Variants in PCNX2 observed in about 807,000 individuals in gnomAD.
The protein encoded by PCNX2 is pecanex-like protein 2.
In PCNX2, 168 loss-of-function variants were observed where a neutral mutation model predicts 223.8. The ratio of observed to expected loss-of-function variants is 0.75; its 90% confidence interval spans 0.66 to 0.85. The LOEUF (loss-of-function observed/expected upper bound fraction) is 0.85. Ranked by LOEUF, PCNX2 falls within the 40% of genes least tolerant of loss-of-function variation. PCNX2 has a pLI of 0.00. For synonymous variants in PCNX2, 1,006 were observed against 1,052.6 expected (o/e 0.96, Z 0.86); for missense variants, 2,507 against 2,675.5 (o/e 0.94, Z 1.39).
At chr1:233,127,064 G>A (rs1179878195) in intron 21 of PCNX2, among the ~76,000 whole-genome samples, 1 of 152,054 alleles carries the variant, frequency 6.6e-6, no homozygotes, top group African/African-American at 2.4e-5. Context: ...TTGGATGATT[G>A]CAATAATTTC....
intron 19 of PCNX2, among the ~76,000 whole-genome samples, chr1:233,143,734 T>C (rs903989406): frequency 1.3e-5 from 2 of 152,188 alleles, no homozygotes; most frequent in Admixed American, 6.5e-5. Flanking sequence ...TATCCCTTCT[T>C]TTCTGTCTTC....
intron 23 of PCNX2, among the ~76,000 whole-genome samples, chr1:233,063,927 C>T (rs1672496585): frequency 6.6e-6 from 1 of 152,052 alleles, no homozygotes; most frequent in Non-Finnish European, 1.5e-5. Flanking sequence ...TTACAGTATA[C>T]ATTTTAATGA....
upstream of PCNX2, among the ~76,000 whole-genome samples, chr1:233,298,413 G>A (rs1424259718): frequency 6.6e-6 from 1 of 152,330 alleles, no homozygotes; most frequent in South Asian, 2.1e-4. Context: ...AGATGATAAA[G>A]TGGGCAGGTG....
At chr1:233,233,390 C>T (rs1158446079) in intron 9 of PCNX2, among the ~76,000 whole-genome samples, 3 of 151,210 alleles carry the variant, frequency 2.0e-5, no homozygotes, top group African/African-American at 4.9e-5. Context: ...CTAAACTCTA[C>T]AGCTATGACA....
chr1:233,252,274 T>C, intron 7 of PCNX2, 80 bp downstream of exon 7: 1 of 1,459,086 alleles, frequency 6.9e-7, no homozygotes. Context: ...CTAGTACTCA[T>C]GCTAAGGTAT....
chr1:233,245,346 G>A (rs186710449), intron 8 of PCNX2, among the ~76,000 whole-genome samples: 1 of 152,334 alleles, frequency 6.6e-6, no homozygotes, highest in East Asian at 1.9e-4. Context: ...GGACTGAGAA[G>A]GAAAAGAAGC....
chr1:233,057,937 T>G (rs1335855272), intron 23 of PCNX2: 1 of 985,444 alleles, frequency 1.0e-6, no homozygotes, highest in Non-Finnish European at 1.2e-6. Flanking sequence ...AAAGGTATCT[T>G]TCTCTTCAAA....
rs186750093 is a variant in PCNX2 at position 233,129,940 on chromosome 1, A to T, written c.3837+5073T>A. On this transcript the variant is annotated intron_variant, in intron 21 of 33. Transcript: ENST00000258229. ...GCTTTGTTCTTTCACTCTTTGCAAT[A>T]AACCTTTTTGCTGCTCACTGTTCGG... 9.8e-5 allele frequency among the ~76,000 whole-genome samples: 15 copies of T among 152,298 alleles called. No individual in the cohort carries two copies. In the East Asian group the frequency reaches 2.5e-3, roughly 26 times the overall value.
intron 32 of PCNX2, among the ~76,000 whole-genome samples, chr1:232,992,087 G>T (rs1310591153): frequency 6.6e-6 from 1 of 152,210 alleles, no homozygotes; most frequent in Non-Finnish European, 1.5e-5. Context: ...CAAGAGAGAG[G>T]TTTTTCCTTC....
At chr1:233,136,475 C>A (rs1267020980) in intron 20 of PCNX2, among the ~76,000 whole-genome samples, 1 of 152,172 alleles carries the variant, frequency 6.6e-6, no homozygotes, top group Non-Finnish European at 1.5e-5. Context: ...CCTAGGACTG[C>A]AGTTGTTTCC....
intron 1 of PCNX2, among the ~76,000 whole-genome samples, chr1:233,289,894 C>T (rs895733516): frequency 6.6e-6 from 1 of 152,196 alleles, no homozygotes; most frequent in Non-Finnish European, 1.5e-5. Context: ...GCATGCTGCA[C>T]AAAGGTCTCC....
In PCNX2 at chr1:233,045,985, C is replaced by T. The variant is rs370012692; in HGVS notation, c.4351+8283G>A. On this transcript the variant is annotated intron_variant, in intron 25 of 33. Transcript: ENST00000258229. ...CAACATCTTCCAACAAATCCTTCTT[C>T]TACTTAAGTTAGCTAGATTTGATTT... Among the ~76,000 whole-genome samples, 5 of 152,352 alleles carry T rather than the reference C, an allele frequency of 3.3e-5. No homozygotes were observed. The East Asian group carries it at 5.8e-4, about 18-fold the overall frequency.
At chr1:233,135,454 T>C (rs543718125) in intron 20 of PCNX2, among the ~76,000 whole-genome samples, 24 of 152,342 alleles carry the variant, frequency 1.6e-4, no homozygotes, top group African/African-American at 5.8e-4. Context: ...ACAGTGTCTT[T>C]GCCATTACAA....
At chr1:233,113,908 T>C (rs1268266063) in intron 21 of PCNX2, among the ~76,000 whole-genome samples, 1 of 152,256 alleles carries the variant, frequency 6.6e-6, no homozygotes, top group Non-Finnish European at 1.5e-5. Context: ...GATATGCTAA[T>C]GAACAGTCAT....
chr1:233,250,552 T>C, intron 8 of PCNX2, 187 bp downstream of exon 8: 4 of 984,398 alleles, frequency 4.1e-6, no homozygotes, highest in South Asian at 4.7e-5. Flanking sequence ...ACAATGAAAA[T>C]GGTTTCATTT....
intron 15 of PCNX2, among the ~76,000 whole-genome samples, chr1:233,184,236 A>G (rs1056397228): frequency 2.0e-5 from 3 of 152,176 alleles, no homozygotes; most frequent in African/African-American, 7.2e-5. Flanking sequence ...CATGGATCAG[A>G]GAAAAGGTCA....
intron 13 of PCNX2, 64 bp from the exon 14 acceptor site, chr1:233,200,328 C>A: frequency 8.6e-7 from 1 of 1,162,710 alleles, no homozygotes; most frequent in Non-Finnish European, 1.2e-6. Flanking sequence ...GCTCCTGCTG[C>A]AGTGCTGTCT....
At chr1:233,045,664 T>C (rs992705007) in intron 25 of PCNX2, among the ~76,000 whole-genome samples, 2 of 152,220 alleles carry the variant, frequency 1.3e-5, no homozygotes, top group African/African-American at 4.8e-5. Context: ...AATCTTGGCT[T>C]TGTTAATCTG....
chr1:233,314,453 G>A, the PCNX2 span, among the ~76,000 whole-genome samples: 5 of 152,008 alleles, frequency 3.3e-5, no homozygotes, highest in Non-Finnish European at 7.4e-5. Flanking sequence ...AAATAACTAA[G>A]AGAACACACA....
Sources: allele counts gnomAD v4.1 joint callset (sites outside exome capture counted in the v4.1 genomes callset), GRCh38; gene constraint gnomAD v4.1.1; transcripts MANE v1.5; gene names NCBI Gene and HGNC (gene_info 2026-07-23, HGNC 2026-07-21).